KPNA4: variants seen among roughly 807,000 people sequenced by gnomAD.
KPNA4 encodes karyopherin subunit alpha 4.
In KPNA4, 13 loss-of-function variants were observed where a neutral mutation model predicts 71.3. The observed-to-expected ratio is 0.18, with a 90% CI of 0.12 to 0.29. KPNA4 has a LOEUF of 0.29. KPNA4 is among the 10% of genes least tolerant of loss of function. KPNA4 has a pLI of 1.00. For missense variants in KPNA4, 334 were observed against 603.2 expected, an observed-to-expected ratio of 0.55 and a Z score of 4.67; for synonymous variants, 189 against 195.2, an observed-to-expected ratio of 0.97 and a Z score of 0.26.
At chr3:160,516,929 C>T (rs1293803640) in intron 11 of KPNA4, among the ~76,000 whole-genome samples, 1 of 151,978 alleles carries the variant, frequency 6.6e-6, no homozygotes, top group Non-Finnish European at 1.5e-5. Flanking sequence ...CTCTAATTTT[C>T]CTTTCTACAT....
rs1721016749 is a variant in KPNA4, at chr3:160,507,790, TA to T, written c.1372+316del. ...ATCCCATTTTGTTGTACATTTCTAT[TA>T]GGGTAATTAGCACATTAAATCAGTT... On this transcript the variant is annotated intron_variant, in intron 15 of 16. Coordinates refer to ENST00000334256, the MANE Select transcript of KPNA4 (RefSeq NM_002268.5). Among the ~76,000 whole-genome samples, 4 of 152,318 alleles carry T rather than the reference TA, an allele frequency of 2.6e-5. No homozygotes were observed. In the South Asian group the frequency reaches 8.3e-4, roughly 32 times the overall value.
chr3:160,533,106 C>T (rs900862126), intron 5 of KPNA4, among the ~76,000 whole-genome samples: 12 of 152,172 alleles, frequency 7.9e-5, no homozygotes, highest in Admixed American at 7.9e-4. Flanking sequence ...TCACTACAAC[C>T]TCTGCTTCCC....
chr3:160,565,308 G>A lies in KPNA4; in HGVS notation c.-26C>T, dbSNP rs1243291253. 8 of 1,564,864 alleles carry A rather than the reference G, an allele frequency of 5.1e-6. No individual in the cohort carries two copies. The highest frequency in any genetic ancestry group is 6.9e-6 in the Non-Finnish European group (8 of 1,151,840). ...GGCCGGGCCGGTGACTCCTTCCCCCGCCCGGGCCCCGCGGGATCCGCCCCA... is the reference window on the plus strand; with the variant it reads ...GGCCGGGCCGGTGACTCCTTCCCCCACCCGGGCCCCGCGGGATCCGCCCCA... On this transcript the variant is annotated 5_prime_UTR_variant, in exon 1 of 17. Transcript: ENST00000334256.
At position 160,497,082 on chromosome 3, in the gene KPNA4, G is replaced by C. The variant is rs531784147; in HGVS notation, c.*5022C>G. On this transcript the variant is annotated 3_prime_UTR_variant, in exon 17 of 17. Coordinates refer to ENST00000334256, the MANE Select transcript of KPNA4 (RefSeq NM_002268.5). ...ATTTGCTTCTGATCACACTAGAATA[G>C]TTTTACCAATGTTCATTATTTTTCA... is the stretch of plus-strand genomic sequence containing the variant. 1 of 152,280 alleles carries C rather than the reference G, an allele frequency of 6.6e-6. No homozygotes were observed. The highest frequency in any genetic ancestry group is 1.9e-4 in the East Asian group (1 of 5,176). 9.4% of individuals were successfully genotyped at this position (152,280 alleles called of 1,614,324 possible).
intron 13 of KPNA4, among the ~76,000 whole-genome samples, chr3:160,512,899 C>T (rs932138939): frequency 2.6e-5 from 4 of 152,002 alleles, no homozygotes; most frequent in African/African-American, 9.7e-5. Flanking sequence ...CAAAGAATGA[C>T]GGAATTAGAA....
Position 160,498,852 on chromosome 3 carries a change from T to C in KPNA4, c.*3252A>G, listed in dbSNP as rs1720820158. The C allele has an allele frequency of 6.6e-6, 1 of 152,234 alleles. No homozygotes were observed. The allele number at this position is 152,234 out of a possible 1,614,324, so 9.4% of individuals were successfully genotyped here. ...TTGTGAAATAATGTATGTTGTGTTT[T>C]AAGACACTAAATTTATGGTAATTAT... On this transcript the variant is annotated 3_prime_UTR_variant, in exon 17 of 17. Coordinates refer to ENST00000334256, the MANE Select transcript of KPNA4 (RefSeq NM_002268.5).
At chr3:160,552,787 A>G (rs887059992) in intron 1 of KPNA4, among the ~76,000 whole-genome samples, 10 of 152,324 alleles carry the variant, frequency 6.6e-5, no homozygotes, top group African/African-American at 2.4e-4. Flanking sequence ...GGTGAAGAGG[A>G]GAACACCACT....
chr3:160,539,977 G>A (rs1246563706), intron 1 of KPNA4, among the ~76,000 whole-genome samples: 5 of 149,098 alleles, frequency 3.4e-5, no homozygotes, highest in Non-Finnish European at 7.4e-5. Flanking sequence ...AGAGATTTAC[G>A]AAAAATTTTC....
chr3:160,506,318 G>A (rs1720983837), intron 15 of KPNA4, among the ~76,000 whole-genome samples: 4 of 152,080 alleles, frequency 2.6e-5, no homozygotes, highest in East Asian at 1.9e-4. Context: ...ACAGGTGTGC[G>A]CTACCACACC....
intron 1 of KPNA4, among the ~76,000 whole-genome samples, chr3:160,553,347 TA>T (rs1221283187): frequency 1.3e-5 from 2 of 151,784 alleles, no homozygotes; most frequent in East Asian, 3.9e-4. Flanking sequence ...AGGCCAGGAG[TA>T]AAAACAATCT....
intron 11 of KPNA4, among the ~76,000 whole-genome samples, chr3:160,521,125 A>G (rs1037108885): frequency 2.0e-5 from 3 of 152,224 alleles, no homozygotes; most frequent in African/African-American, 4.8e-5. Flanking sequence ...TGAAGATAAG[A>G]GTTAACTAAA....
chr3:160,507,979 A>G (rs1342831380), intron 15 of KPNA4, 128 bp downstream of exon 15: 3 of 699,842 alleles, frequency 4.3e-6, no homozygotes, highest in Non-Finnish European at 6.9e-6. Flanking sequence ...ATAGAATACA[A>G]TATTTACTTT....
At chr3:160,510,665 G>A (rs1255407235) in intron 13 of KPNA4, among the ~76,000 whole-genome samples, 1 of 151,852 alleles carries the variant, frequency 6.6e-6, no homozygotes, top group Non-Finnish European at 1.5e-5. Context: ...TGTGAGGCTG[G>A]TAGTATAAAA....
At chr3:160,548,546 A>C (rs1721974727) in intron 1 of KPNA4, among the ~76,000 whole-genome samples, 1 of 152,102 alleles carries the variant, frequency 6.6e-6, no homozygotes, top group Non-Finnish European at 1.5e-5. Flanking sequence ...AAGTGGAATT[A>C]TACAGTATTT....
intron 11 of KPNA4, among the ~76,000 whole-genome samples, chr3:160,518,183 A>G (rs1382005739): frequency 6.0e-5 from 9 of 148,840 alleles, no homozygotes; most frequent in Non-Finnish European, 1.2e-4. Context: ...GCTGGAGTGC[A>G]GTGGCGCGAT....
chr3:160,563,742 CT>C (rs897248015), intron 1 of KPNA4, among the ~76,000 whole-genome samples: 6 of 152,010 alleles, frequency 3.9e-5, no homozygotes, highest in Non-Finnish European at 8.8e-5. Context: ...AGTAAATTTA[CT>C]GAAAAATCAT....
chr3:160,565,127 C>T, intron 1 of KPNA4, 87 bp downstream of exon 1: 1 of 1,151,306 alleles, frequency 8.7e-7, no homozygotes, highest in Non-Finnish European at 1.3e-6. Flanking sequence ...AGGCGGCTCC[C>T]GCCCCTAATC....
Position 160,498,956 on chromosome 3 carries a change from G to A in KPNA4, c.*3148C>T, listed in dbSNP as rs1720822263. On this transcript the variant is annotated 3_prime_UTR_variant, in exon 17 of 17. Coordinates refer to ENST00000334256, the MANE Select transcript of KPNA4 (RefSeq NM_002268.5). The stretch of plus-strand genomic sequence containing the variant: ...TAACTTTTTCCTTGAGGAAACTGAG[G>A]CAATGGAGAATCCAAAAAGGGTGCC... 6.6e-6 allele frequency: 1 copy of A among 152,120 alleles called. No homozygotes were observed. Among genetic ancestry groups the A allele is most frequent in the African/African-American group, 2.4e-5 (1 of 41,414 alleles). 9.4% of individuals were successfully genotyped at this position (152,120 alleles called of 1,614,324 possible).
At chr3:160,559,181 G>A (rs1230978558) in intron 1 of KPNA4, among the ~76,000 whole-genome samples, 1 of 152,118 alleles carries the variant, frequency 6.6e-6, no homozygotes, top group African/African-American at 2.4e-5. Flanking sequence ...ACAAAAATGA[G>A]CAAAGTGAGT....
Sources: gnomAD v4.1 joint callset for allele counts (sites outside exome capture counted in the v4.1 genomes callset) on GRCh38, gnomAD v4.1.1 for gene constraint, MANE v1.5 for transcripts, NCBI Gene and HGNC (gene_info 2026-07-23, HGNC 2026-07-21) for gene names.